The following SYNE2 variants were observed in gnomAD, a reference collection of about 807,000 sequenced individuals.
The protein encoded by SYNE2 is spectrin repeat containing nuclear envelope protein 2.
A neutral mutation model predicts 856.3 loss-of-function variants in SYNE2; 431 were observed. The observed-to-expected ratio is 0.50, with a 90% CI of 0.47 to 0.55. The LOEUF (loss-of-function observed/expected upper bound fraction) is 0.55. SYNE2 is among the 20% of genes least tolerant of loss of function. The pLI, the probability that SYNE2 is intolerant of heterozygous loss-of-function variation, is 0.00. For missense variants in SYNE2, 8,129 were observed against 8,023.2 expected (o/e 1.01, Z -0.50); for synonymous variants, 2,923 against 2,872.3 (o/e 1.02, Z -0.56).
At chr14:64,005,396 T>C (rs1357046082) in intron 30 of SYNE2, among the ~76,000 whole-genome samples, 3 of 152,156 alleles carry the variant, frequency 2.0e-5, no homozygotes, top group Non-Finnish European at 4.4e-5. Flanking sequence ...AGTTTGAAGA[T>C]AGAGACCAGA....
At chr14:64,123,137 A>G (rs1285567874) in intron 70 of SYNE2, among the ~76,000 whole-genome samples, 1 of 152,026 alleles carries the variant, frequency 6.6e-6, no homozygotes, top group Non-Finnish European at 1.5e-5. Flanking sequence ...ATACAGCGCT[A>G]CAATGAGTGT....
At position 63,993,862 on chromosome 14, in the gene SYNE2, A is replaced by G. The variant is rs756657899; in HGVS notation, c.2674A>G (p.Ser892Gly). ...KEALIISNTK[S>G]LAKYLKAVEE... ...AGCACTAATAATTTCTAATACAAAA[A>G]GTCTGGCCAAGTATTTGAAAGCTGT... The change falls in exon 22 of 116, where the codon AGT becomes GGT. Residue 892 changes from serine (S) to glycine (G), a missense_variant. By Grantham distance (56) the Ser-to-Gly change is moderately conservative. Around this residue, in one of 3 missense-constraint regions of SYNE2, gnomAD observed 2,422 missense variants for 2,357.4 expected, o/e 1.03. Transcript: ENST00000555002. 1.2e-6 allele frequency: 2 copies of G among 1,610,172 alleles called. No homozygotes were observed. Among genetic ancestry groups the G allele is most frequent in the South Asian group, 2.2e-5 (2 of 90,136 alleles).
chr14:63,805,176 G>C (rs1180318054), intron 1 of SYNE2, among the ~76,000 whole-genome samples: 1 of 152,138 alleles, frequency 6.6e-6, no homozygotes, highest in Non-Finnish European at 1.5e-5. Context: ...CTCTGGCTTT[G>C]TTCTTTTTGC....
rs1566949626 is a variant in SYNE2, at chr14:63,974,882, GTGTGTGTGTGTA to G, written c.1129-1679_1129-1668del. On this transcript the variant is annotated intron_variant, in intron 11 of 115. Coordinates refer to ENST00000555002, the MANE Select transcript of SYNE2 (RefSeq NM_182914.3). ...TGTGTGTGTGTGTGTGTGTGTGTGT[GTGTGTGTGTGTA>G]TATATATATATATATATATATATGT... 1.7e-3 allele frequency among the ~76,000 whole-genome samples: 45 copies of G among 27,132 alleles called. 1 individual carries two copies. The highest frequency in any genetic ancestry group is 4.5e-3 in the African/African-American group (35 of 7,734). 17.8% of individuals were successfully genotyped at this position (27,132 alleles called of 152,430 possible). A position where few individuals can be genotyped will look rare whatever the true frequency, so the allele number is the denominator to read the frequency against.
At chr14:64,113,088 T>C (rs554522769) in intron 65 of SYNE2, 5 of 985,424 alleles carry the variant, frequency 5.1e-6, no homozygotes, top group Non-Finnish European at 3.6e-6. Context: ...GGTAGTGAAC[T>C]GTGAGCCTGT....
intron 1 of SYNE2, among the ~76,000 whole-genome samples, chr14:63,862,618 T>A (rs1283943959): frequency 6.6e-6 from 1 of 152,242 alleles, no homozygotes; most frequent in African/African-American, 2.4e-5. Context: ...ATATGTGCAT[T>A]ATACTTATAG....
chr14:63,796,812 C>T (rs1887931713), intron 1 of SYNE2, among the ~76,000 whole-genome samples: 2 of 151,862 alleles, frequency 1.3e-5, no homozygotes, highest in South Asian at 4.1e-4. Flanking sequence ...TAGCGAGACC[C>T]ATTTTAAAAA....
intron 16 of SYNE2, among the ~76,000 whole-genome samples, chr14:63,981,987 T>C (rs768746688): frequency 2.0e-5 from 3 of 152,180 alleles, no homozygotes; most frequent in Non-Finnish European, 4.4e-5. Context: ...TATAAAAATG[T>C]ACATAACTCA....
intron 45 of SYNE2, among the ~76,000 whole-genome samples, chr14:64,041,537 A>G (rs1291764977): frequency 6.6e-6 from 1 of 152,206 alleles, no homozygotes; most frequent in Non-Finnish European, 1.5e-5. Flanking sequence ...CAGGACTCGT[A>G]TGTCCAATGA....
intron 2 of SYNE2, among the ~76,000 whole-genome samples, chr14:63,937,440 T>C (rs913638128): frequency 2.6e-5 from 4 of 152,142 alleles, no homozygotes; most frequent in Admixed American, 6.5e-5. Context: ...GGATGGGATA[T>C]AGTGTACAAG....
chr14:63,991,523 A>AG (rs1375399645), intron 21 of SYNE2, among the ~76,000 whole-genome samples: 1 of 152,210 alleles, frequency 6.6e-6, no homozygotes. Context: ...TGTAAAAAAA[A>AG]CCATTATTAT....
At chr14:63,820,115 C>T (rs1333044867) in intron 1 of SYNE2, among the ~76,000 whole-genome samples, 1 of 151,542 alleles carries the variant, frequency 6.6e-6, no homozygotes, top group African/African-American at 2.4e-5. Flanking sequence ...TGCAAATAAC[C>T]TAGATTAGGA....
At chr14:63,898,114 A>G (rs954024890) in intron 1 of SYNE2, among the ~76,000 whole-genome samples, 1 of 152,138 alleles carries the variant, frequency 6.6e-6, no homozygotes, top group Non-Finnish European at 1.5e-5. Context: ...AACCGTAATC[A>G]TTCTTCAGCC....
In SYNE2 at chr14:64,202,729, T is replaced by C. The variant is rs529829480; in HGVS notation, c.18039-72T>C. 8 of 1,600,466 alleles carry C rather than the reference T, an allele frequency of 5.0e-6. No homozygotes were observed. In the African/African-American group the frequency reaches 1.1e-4, roughly 21 times the overall value. ...TCTTACTGGCACATTCTTCCACCAC[T>C]AAGTATTGGGCTTTTGTTTTCCATC... On this transcript the variant is annotated intron_variant, in intron 99 of 115. Coordinates refer to ENST00000555002, the MANE Select transcript of SYNE2 (RefSeq NM_182914.3).
chr14:63,876,463 TA>T (rs569287783), intron 1 of SYNE2, among the ~76,000 whole-genome samples: 3 of 149,806 alleles, frequency 2.0e-5, no homozygotes, highest in African/African-American at 7.3e-5. Flanking sequence ...TTTTTTTAAT[TA>T]AAAAAAACAA....
rs200893937 is a variant in SYNE2, at chr14:64,209,547, C to T, written c.18509C>T (p.Thr6170Met). Reference protein sequence around the residue: ...ACPNSSEVLYTSAKEELKRFE... With the variant: ...ACPNSSEVLYMSAKEELKRFE... The stretch of plus-strand genomic sequence containing the variant: ...CCAAATTCCTCAGAGGTGTTGTACA[C>T]GAGTGCCAAAGAGGAACTGAAGAGG... The change falls in exon 102 of 116, where the codon ACG (threonine) becomes ATG (methionine). Residue 6170 changes from threonine to methionine, a missense_variant. Physicochemically the swap from Thr to Met is moderately conservative, Grantham distance 81. Coordinates refer to ENST00000555002, the MANE Select transcript of SYNE2 (RefSeq NM_182914.3). 2.0e-5 allele frequency: 32 copies of T among 1,614,160 alleles called. No homozygotes were observed. The East Asian group carries it at 3.8e-4, about 19-fold the overall frequency.
chr14:63,973,763 C>A (rs1278974997), intron 11 of SYNE2, among the ~76,000 whole-genome samples: 1 of 151,936 alleles, frequency 6.6e-6, no homozygotes, highest in African/African-American at 2.4e-5. Flanking sequence ...TCATTTTATG[C>A]ACAGTTCCAT....
At chr14:63,977,527 C>G (rs2096553815) in intron 12 of SYNE2, among the ~76,000 whole-genome samples, 1 of 152,094 alleles carries the variant, frequency 6.6e-6, no homozygotes, top group African/African-American at 2.4e-5. Flanking sequence ...TATTTATTCA[C>G]AAAATCTTAG....
At chr14:64,137,559 T>G in intron 78 of SYNE2, among the ~76,000 whole-genome samples, 1 of 152,136 alleles carries the variant, frequency 6.6e-6, no homozygotes, top group Non-Finnish European at 1.5e-5. Flanking sequence ...CCAGTAAGTC[T>G]ACAAAGTTGA....
Sources: gnomAD v4.1 joint callset for allele counts (sites outside exome capture counted in the v4.1 genomes callset) on GRCh38, gnomAD v4.1.1 for gene constraint, gnomAD v4.1.1 regional missense constraint, MANE v1.5 for transcripts, NCBI Gene and HGNC (gene_info 2026-07-23, HGNC 2026-07-21) for gene names.